Variants in LEPR observed in about 807,000 individuals in gnomAD.
LEPR encodes the protein leptin receptor.
Under a neutral mutation model 114.7 loss-of-function variants are expected in LEPR, and 56 were observed. The ratio of observed to expected loss-of-function variants is 0.49; its 90% CI spans 0.39 to 0.61. The LOEUF is 0.61. Among genes scored for constraint, LEPR ranks in the 20% least tolerant of loss-of-function variants. The pLI, the probability that LEPR is intolerant of heterozygous loss-of-function variation, is 0.00. For missense variants in LEPR, 1,202 were observed against 1,352.9 expected, an observed-to-expected ratio of 0.89 and a Z score of 1.75; for synonymous variants, 443 against 461.4, an observed-to-expected ratio of 0.96 and a Z score of 0.51.
chr1:65,422,890 GT>G (rs1646280465), intron 1 of LEPR, among the ~76,000 whole-genome samples: 1 of 152,182 alleles, frequency 6.6e-6, no homozygotes, highest in South Asian at 2.1e-4. Flanking sequence ...GATATATATA[GT>G]TGAAAGATCA....
At chr1:65,617,503 C>T (rs1657602254) in intron 15 of LEPR, among the ~76,000 whole-genome samples, 1 of 152,190 alleles carries the variant, frequency 6.6e-6, no homozygotes. Context: ...TCATGGAAGG[C>T]AGAGAGGTGC....
intron 2 of LEPR, among the ~76,000 whole-genome samples, chr1:65,479,978 C>T (rs1204277045): frequency 6.6e-6 from 1 of 152,080 alleles, no homozygotes; most frequent in South Asian, 2.1e-4. Flanking sequence ...GAACGTGAAA[C>T]GTGTTAACCC....
chr1:65,449,995 G>C (rs917247631), intron 2 of LEPR, among the ~76,000 whole-genome samples: 5 of 151,968 alleles, frequency 3.3e-5, no homozygotes, highest in Middle Eastern at 3.2e-3. Flanking sequence ...ATTTCTCTGA[G>C]ATTTCTCTTG....
chr1:65,460,686 G>A (rs1214915928), intron 2 of LEPR, among the ~76,000 whole-genome samples: 4 of 151,752 alleles, frequency 2.6e-5, no homozygotes, highest in African/African-American at 4.8e-5. Context: ...GTGAAACCCC[G>A]TCTCTACTAA....
chr1:65,475,961 G>A lies in LEPR; in HGVS notation c.-21+50583G>A, dbSNP rs568045487. ...GAGCCCAGGAGGTTGAGTCTGCAGT[G>A]AGCCATGATCACGCCACTGCACTCC... On this transcript the variant is annotated intron_variant, in intron 2 of 19. Coordinates refer to ENST00000349533, the MANE Select transcript of LEPR (RefSeq NM_002303.6). Among the ~76,000 whole-genome samples, 27 of 151,752 alleles carry A rather than the reference G, an allele frequency of 1.8e-4. 1 individual carries two copies. Among genetic ancestry groups the A allele is most frequent in the African/African-American group, 5.6e-4 (23 of 41,364 alleles).
chr1:65,610,997 T>A (rs765932736), intron 14 of LEPR, among the ~76,000 whole-genome samples: 2 of 152,196 alleles, frequency 1.3e-5, no homozygotes, highest in Non-Finnish European at 2.9e-5. Flanking sequence ...TCTGTAAAAG[T>A]TGTGGTATAT....
chr1:65,515,841 A>G (rs1649258655), intron 2 of LEPR, among the ~76,000 whole-genome samples: 1 of 152,198 alleles, frequency 6.6e-6, no homozygotes, highest in African/African-American at 2.4e-5. Flanking sequence ...TTAGTAAGAT[A>G]CATTTTGAAT....
intron 2 of LEPR, among the ~76,000 whole-genome samples, chr1:65,496,684 T>C (rs1242483015): frequency 6.6e-6 from 1 of 152,174 alleles, no homozygotes; most frequent in East Asian, 1.9e-4. Context: ...GTTTTCCCTA[T>C]TATTAACAAT....
intron 2 of LEPR, among the ~76,000 whole-genome samples, chr1:65,500,362 C>T (rs1648384224): frequency 6.6e-6 from 1 of 152,074 alleles, no homozygotes. Flanking sequence ...ATTTTTCCTC[C>T]ATAATTTCAT....
chr1:65,620,026 A>G lies in LEPR; in HGVS notation c.2491+3A>G, dbSNP rs1657779505. 3 of 1,602,716 alleles carry G rather than the reference A, an allele frequency of 1.9e-6. No individual in the cohort carries two copies. Among genetic ancestry groups the G allele is most frequent in the Non-Finnish European group, 2.6e-6 (3 of 1,170,486 alleles). On this transcript the variant is annotated splice_donor_region_variant and intron_variant, in intron 17 of 19. Coordinates refer to ENST00000349533, the MANE Select transcript of LEPR (RefSeq NM_002303.6). ...GATAATTAATAGTTTCACTCAAGGT[A>G]AAAATTATAATTTTAGTTTCCTTTT...
At chr1:65,500,603 C>A (rs976835912) in intron 2 of LEPR, among the ~76,000 whole-genome samples, 1 of 152,082 alleles carries the variant, frequency 6.6e-6, no homozygotes, top group Non-Finnish European at 1.5e-5. Context: ...GTCTAACTTA[C>A]GATTTTCTGA....
At position 65,637,350 on chromosome 1, in the gene LEPR, T is replaced by C. The variant is rs1658752717; in HGVS notation, c.*335T>C. On this transcript the variant is annotated 3_prime_UTR_variant, in exon 20 of 20. Coordinates refer to ENST00000349533, the MANE Select transcript of LEPR (RefSeq NM_002303.6). ...CGTGTTGTTTTACCTCAAGTTTTTG[T>C]TTTGTACCAACACACACACACACAC... 1 of 210,712 alleles carries C rather than the reference T, an allele frequency of 4.7e-6. No individual in the cohort carries two copies. Among genetic ancestry groups the C allele is most frequent in the South Asian group, 7.1e-5 (1 of 14,010 alleles). The allele number at this position is 210,712 out of a possible 1,614,324, so 13.1% of individuals were successfully genotyped here. A position where few individuals can be genotyped will look rare whatever the true frequency, so the allele number is the denominator to read the frequency against.
rs1570418861 is a variant in LEPR at position 65,425,725 on chromosome 1, C to T, written c.-21+347C>T. On this transcript the variant is annotated intron_variant, in intron 2 of 19. Coordinates refer to ENST00000349533, the MANE Select transcript of LEPR (RefSeq NM_002303.6). ...AATCTGGCAGCTGCAGTGGAGATGC[C>T]AGCACAGTACGCTGGAGCTCGGATA... 3.9e-5 allele frequency among the ~76,000 whole-genome samples: 6 copies of T among 152,284 alleles called. No homozygotes were observed. The South Asian group carries it at 1.2e-3, about 32-fold the overall frequency.
At chr1:65,507,813 C>T (rs1345708085) in intron 2 of LEPR, among the ~76,000 whole-genome samples, 1 of 152,102 alleles carries the variant, frequency 6.6e-6, no homozygotes, top group Non-Finnish European at 1.5e-5. Flanking sequence ...AATTGTAATA[C>T]CACCAACAGT....
At chr1:65,502,700 A>AT in intron 2 of LEPR, among the ~76,000 whole-genome samples, 1 of 152,232 alleles carries the variant, frequency 6.6e-6, no homozygotes, top group African/African-American at 2.4e-5. Flanking sequence ...TGAGGCTGAA[A>AT]TTTTAACAAA....
chr1:65,547,288 C>G (rs2100694695), intron 2 of LEPR, among the ~76,000 whole-genome samples: 1 of 152,184 alleles, frequency 6.6e-6, no homozygotes, highest in South Asian at 2.1e-4. Flanking sequence ...TGTGTCTCTG[C>G]CTGGCTTTGG....
chr1:65,580,822 C>T (rs6691282), intron 5 of LEPR, among the ~76,000 whole-genome samples: 44,855 of 151,984 alleles, frequency 0.3, 7,551 homozygotes, highest in East Asian at 0.83. Context: ...GAAGAGGGGG[C>T]AGAGGAGAAT....
At chr1:65,482,627 A>G (rs1006611116) in intron 2 of LEPR, among the ~76,000 whole-genome samples, 1 of 152,200 alleles carries the variant, frequency 6.6e-6, no homozygotes, top group Non-Finnish European at 1.5e-5. Context: ...GGTTACTTAC[A>G]TGGAAGAAGT....
chr1:65,499,344 G>A (rs1024580547), intron 2 of LEPR, among the ~76,000 whole-genome samples: 14 of 152,100 alleles, frequency 9.2e-5, no homozygotes, highest in African/African-American at 2.6e-4. Context: ...GGTGGGTGGC[G>A]TAAAATGGAA....
Sources: allele counts gnomAD v4.1 joint callset (sites outside exome capture counted in the v4.1 genomes callset), GRCh38; gene constraint gnomAD v4.1.1; transcripts MANE v1.5; gene names NCBI Gene and HGNC (gene_info 2026-07-23, HGNC 2026-07-21).